The following FAM13A variants were observed in gnomAD, a reference collection of about 807,000 sequenced individuals.
FAM13A encodes the protein protein FAM13A.
A neutral mutation model predicts 129.6 loss-of-function variants in FAM13A; 76 were observed. That is an observed-to-expected ratio of 0.59 (90% CI 0.49 to 0.71). FAM13A has a LOEUF of 0.71. Among genes scored for constraint, FAM13A ranks in the 30% least tolerant of loss-of-function variants. FAM13A has a pLI of 0.00. For missense variants in FAM13A, 1,108 were observed against 1,249.3 expected, an observed-to-expected ratio of 0.89 and a Z score of 1.70; for synonymous variants, 443 against 449.9, an observed-to-expected ratio of 0.98 and a Z score of 0.20.
chr4:88,773,092 T>C (rs1166453088), intron 11 of FAM13A, among the ~76,000 whole-genome samples: 1 of 152,226 alleles, frequency 6.6e-6, no homozygotes, highest in African/African-American at 2.4e-5. Flanking sequence ...AAGTGATTTA[T>C]GATCACACCA....
At chr4:88,750,752 C>T (rs564732700) in intron 14 of FAM13A, 115 bp from the exon 15 acceptor site, 22 of 733,776 alleles carry the variant, frequency 3.0e-5, no homozygotes, top group South Asian at 2.2e-4. Context: ...CCCATTGAAT[C>T]GTTTCTCATT....
chr4:88,946,258 A>G (rs888303224), intron 4 of FAM13A, among the ~76,000 whole-genome samples: 3 of 151,820 alleles, frequency 2.0e-5, no homozygotes, highest in African/African-American at 7.3e-5. Context: ...GAAACTGGAC[A>G]CAGCAGTAGG....
chr4:88,824,107 C>A (rs539024202), intron 7 of FAM13A, among the ~76,000 whole-genome samples: 4 of 151,748 alleles, frequency 2.6e-5, no homozygotes, highest in Non-Finnish European at 5.9e-5. Flanking sequence ...GTGTAGAATA[C>A]CAGGGTGTTA....
intron 4 of FAM13A, among the ~76,000 whole-genome samples, chr4:88,948,331 G>C (rs1756297131): frequency 6.6e-6 from 1 of 152,112 alleles, no homozygotes. Context: ...TAATGTTGTA[G>C]AGATCTTATG....
At chr4:88,797,504 A>T (rs1726454759) in intron 8 of FAM13A, among the ~76,000 whole-genome samples, 1 of 152,062 alleles carries the variant, frequency 6.6e-6, no homozygotes. Context: ...GTTTCAAGAG[A>T]TCCTCCCACT....
intron 3 of FAM13A, among the ~76,000 whole-genome samples, chr4:89,007,078 T>C (rs1765143613): frequency 2.0e-5 from 3 of 152,196 alleles, no homozygotes; most frequent in Admixed American, 2.0e-4. Context: ...GGTGGAGCCC[T>C]CACCAGGGAC....
At chr4:88,823,258 T>C (rs1732393585) in intron 7 of FAM13A, 1 of 1,275,524 alleles carries the variant, frequency 7.8e-7, no homozygotes, top group Non-Finnish European at 9.9e-7. Context: ...GACCTTTTGT[T>C]CCAGGGAAGC....
chr4:88,978,652 G>A (rs1427270511), intron 4 of FAM13A, among the ~76,000 whole-genome samples: 2 of 152,134 alleles, frequency 1.3e-5, no homozygotes, highest in African/African-American at 4.8e-5. Flanking sequence ...AAATTAGCTG[G>A]GCGTGGTGGT....
chr4:88,916,640 C>A (rs1750166803), intron 5 of FAM13A, among the ~76,000 whole-genome samples: 1 of 152,122 alleles, frequency 6.6e-6, no homozygotes, highest in Non-Finnish European at 1.5e-5. Context: ...TGACTCAGGG[C>A]CTTTGTACTT....
intron 3 of FAM13A, among the ~76,000 whole-genome samples, chr4:89,014,762 T>C (rs1766234094): frequency 2.0e-5 from 3 of 152,176 alleles, no homozygotes; most frequent in South Asian, 4.1e-4. Flanking sequence ...CTTCATAAGC[T>C]GAGGATGTAT....
chr4:88,750,316 A>C, intron 15 of FAM13A, 108 bp downstream of exon 15: 1 of 884,776 alleles, frequency 1.1e-6, no homozygotes, highest in East Asian at 2.5e-5. Context: ...ATGTTGCTCC[A>C]TAGGCTCACG....
At chr4:88,920,211 C>A (rs556336587) in intron 5 of FAM13A, among the ~76,000 whole-genome samples, 1 of 152,196 alleles carries the variant, frequency 6.6e-6, no homozygotes, top group East Asian at 1.9e-4. Context: ...TCTCCCAGCA[C>A]GGAGCTGGAG....
At chr4:88,986,038 A>C (rs749032815) in intron 4 of FAM13A, among the ~76,000 whole-genome samples, 1 of 152,212 alleles carries the variant, frequency 6.6e-6, no homozygotes, top group Non-Finnish European at 1.5e-5. Flanking sequence ...AACTAATAAA[A>C]ATGTTTTCCA....
At chr4:88,788,557 T>A (rs1182347793) in intron 9 of FAM13A, among the ~76,000 whole-genome samples, 1 of 152,114 alleles carries the variant, frequency 6.6e-6, no homozygotes, top group Non-Finnish European at 1.5e-5. Flanking sequence ...CCAGAACATA[T>A]TACTGAAATT....
intron 8 of FAM13A, among the ~76,000 whole-genome samples, chr4:88,799,578 G>A (rs753687938): frequency 1.3e-5 from 2 of 152,006 alleles, no homozygotes; most frequent in African/African-American, 2.4e-5. Flanking sequence ...TCCACCTTCC[G>A]GGTTCAGGGG....
At chr4:88,915,327 T>C (rs1164605639) in intron 5 of FAM13A, among the ~76,000 whole-genome samples, 1 of 152,224 alleles carries the variant, frequency 6.6e-6, no homozygotes, top group Non-Finnish European at 1.5e-5. Context: ...ATGAAAGGAA[T>C]AAATTGAATT....
In FAM13A at chr4:89,020,641, C is replaced by T. The variant is rs1013062373; in HGVS notation, c.246G>A (p.Val82=). Residue 82 remains valine, a synonymous_variant, in exon 3 of 24, where the codon GTG becomes GTA. Transcript: ENST00000264344. ...HGLTQEGLFR[V]NGNVKVVEQL... Reference sequence around the variant, plus strand: ...GTTCCACCACCTTCACGTTACCATTCACCCTAAAAAGACCTTCTTGGGTAA... The same window carrying T: ...GTTCCACCACCTTCACGTTACCATTTACCCTAAAAAGACCTTCTTGGGTAA... The T allele has an allele frequency of 6.2e-7, 1 of 1,613,966 alleles. No individual in the cohort carries two copies. The highest frequency in any genetic ancestry group is 1.3e-5 in the African/African-American group (1 of 74,924).
chr4:88,888,038 T>C (rs1469741307), intron 6 of FAM13A, among the ~76,000 whole-genome samples: 2 of 152,200 alleles, frequency 1.3e-5, no homozygotes, highest in Non-Finnish European at 2.9e-5. Context: ...ATTTATCTTC[T>C]AATACTTCCC....
At chr4:89,037,467 TA>T (rs969439611) in intron 1 of FAM13A, among the ~76,000 whole-genome samples, 1 of 151,358 alleles carries the variant, frequency 6.6e-6, no homozygotes, top group Non-Finnish European at 1.5e-5. Flanking sequence ...ACTAACTTGG[TA>T]AAAAAAACAA....
Sources: gnomAD v4.1 joint callset for allele counts (sites outside exome capture counted in the v4.1 genomes callset) on GRCh38, gnomAD v4.1.1 for gene constraint, MANE v1.5 for transcripts, NCBI Gene and HGNC (gene_info 2026-07-23, HGNC 2026-07-21) for gene names.